RELN: variants seen among roughly 807,000 people sequenced by gnomAD.
RELN encodes reelin.
In RELN, 108 loss-of-function variants were observed where a neutral mutation model predicts 427.6. The observed-to-expected ratio is 0.25, with a 90% confidence interval of 0.22 to 0.30. The LOEUF (loss-of-function observed/expected upper bound fraction) is 0.30. Among genes scored for constraint, RELN ranks in the 10% least tolerant of loss-of-function variants. The pLI, the probability that RELN is intolerant of heterozygous loss-of-function variation, is 1.00. For synonymous variants in RELN, 1,524 were observed against 1,513.4 expected, an observed-to-expected ratio of 1.01 and a Z score of -0.16; for missense variants, 3,715 against 4,302.8, an observed-to-expected ratio of 0.86 and a Z score of 3.82.
chr7:103,878,034 T>C (rs1246433940), intron 2 of RELN, among the ~76,000 whole-genome samples: 1 of 152,180 alleles, frequency 6.6e-6, no homozygotes, highest in East Asian at 1.9e-4. Context: ...ATTTTGTATT[T>C]TTAGTAGACA....
At chr7:103,628,723 G>T (rs1457837348) in intron 20 of RELN, among the ~76,000 whole-genome samples, 1 of 152,232 alleles carries the variant, frequency 6.6e-6, no homozygotes, top group Non-Finnish European at 1.5e-5. Flanking sequence ...TCATCTGAAG[G>T]AATTAAATTG....
intron 30 of RELN, among the ~76,000 whole-genome samples, chr7:103,572,850 G>T (rs1410275700): frequency 6.6e-6 from 1 of 152,150 alleles, no homozygotes; most frequent in African/African-American, 2.4e-5. Flanking sequence ...TCAAGATGAA[G>T]ATTTTTTAAA....
chr7:103,572,751 C>T lies in RELN; in HGVS notation c.4512-491G>A, dbSNP rs566147533. Among the ~76,000 whole-genome samples the T allele has an allele frequency of 4.0e-5, 6 of 151,514 alleles. No homozygotes were observed. The East Asian group carries it at 9.8e-4, about 25-fold the overall frequency. On this transcript the variant is annotated intron_variant, in intron 30 of 64. Coordinates refer to ENST00000428762, the MANE Select transcript of RELN (RefSeq NM_005045.4). ...AGACGGGGCTAACACGGTGAAACCC[C>T]GTCTCTACTAAAAATACAGTCTGTT...
At chr7:103,975,940 A>C (rs938522633) in intron 1 of RELN, among the ~76,000 whole-genome samples, 1 of 152,090 alleles carries the variant, frequency 6.6e-6, no homozygotes, top group Non-Finnish European at 1.5e-5. Flanking sequence ...ACAGGCATAC[A>C]AGGCCATCTA....
At chr7:103,917,035 T>C in intron 2 of RELN, 40 bp downstream of exon 2, 5 of 1,435,932 alleles carry the variant, frequency 3.5e-6, no homozygotes, top group Non-Finnish European at 4.9e-6. Context: ...TATGACTGTA[T>C]AAAATACCCC....
rs1048142333 is a variant in RELN at position 103,626,398 on chromosome 7, T to C, written c.2702+3542A>G. On this transcript the variant is annotated intron_variant, in intron 20 of 64. Transcript: ENST00000428762. The surrounding 1 kb of genome is among the most constrained non-coding windows in gnomAD (Gnocchi z 4.4). ...CAGAGTCTTGCTCTGTCACCCAGGC[T>C]GGAGTGCATTGGCATGATCTCGGCT... 1.3e-5 allele frequency among the ~76,000 whole-genome samples: 2 copies of C among 152,132 alleles called. No homozygotes were observed. Among genetic ancestry groups the C allele is most frequent in the African/African-American group, 2.4e-5 (1 of 41,442 alleles).
At chr7:103,747,404 A>G (rs953170184) in intron 6 of RELN, among the ~76,000 whole-genome samples, 1 of 144,614 alleles carries the variant, frequency 6.9e-6, no homozygotes, top group African/African-American at 2.6e-5. Flanking sequence ...CCTAAAACTT[A>G]AAGTATAATA....
At chr7:103,472,947 G>A (rs370139591) in intron 64 of RELN, 39 bp from the exon 65 acceptor site, 2 of 1,479,096 alleles carry the variant, frequency 1.4e-6, no homozygotes, top group Non-Finnish European at 1.9e-6. Flanking sequence ...GGAAGGAAAG[G>A]AAAAAGAGCA....
chr7:103,511,297 A>AT (rs1374762842), intron 50 of RELN, among the ~76,000 whole-genome samples: 1 of 152,186 alleles, frequency 6.6e-6, no homozygotes, highest in African/African-American at 2.4e-5. Flanking sequence ...GAAATAACTA[A>AT]TTTTTTGACA....
At chr7:103,820,149 T>C (rs1792978856) in intron 3 of RELN, among the ~76,000 whole-genome samples, 2 of 152,102 alleles carry the variant, frequency 1.3e-5, no homozygotes, top group African/African-American at 4.8e-5. Flanking sequence ...TTTCATTTAA[T>C]GTCTTAGGGT....
chr7:103,949,540 C>T (rs976247466), intron 1 of RELN, among the ~76,000 whole-genome samples: 1 of 151,554 alleles, frequency 6.6e-6, no homozygotes, highest in East Asian at 1.9e-4. Context: ...TCTTCCCCGC[C>T]CCCCAACCCC....
intron 20 of RELN, among the ~76,000 whole-genome samples, chr7:103,622,617 G>A (rs948947962): frequency 2.0e-5 from 3 of 152,114 alleles, no homozygotes; most frequent in Non-Finnish European, 2.9e-5. Context: ...TATCTGCCTT[G>A]CTGTTCCCTC....
chr7:103,856,273 A>T (rs1160911146), intron 2 of RELN, among the ~76,000 whole-genome samples: 1 of 152,112 alleles, frequency 6.6e-6, no homozygotes. Context: ...TGGGAGGGAA[A>T]TTTACATCAC....
rs534089455 is a variant in RELN, at chr7:103,822,107, A to C, written c.473+11430T>G. On this transcript the variant is annotated intron_variant, in intron 3 of 64. Transcript: ENST00000428762. Reference sequence around the variant, plus strand: ...GCACTGATTTAATGTTAAATAGGTTATCTTATAATTCCAGAAAATATGTGG... The same window carrying C: ...GCACTGATTTAATGTTAAATAGGTTCTCTTATAATTCCAGAAAATATGTGG... 2.6e-5 allele frequency among the ~76,000 whole-genome samples: 4 copies of C among 152,222 alleles called. No homozygotes were observed. In the South Asian group the frequency reaches 8.3e-4, roughly 32 times the overall value.
intron 2 of RELN, among the ~76,000 whole-genome samples, chr7:103,882,760 A>G (rs1479183036): frequency 6.6e-6 from 1 of 152,218 alleles, no homozygotes; most frequent in South Asian, 2.1e-4. Context: ...GAATCCCTGA[A>G]CAGACCAAAA....
chr7:103,841,682 T>G (rs1302316828), intron 2 of RELN, among the ~76,000 whole-genome samples: 1 of 152,126 alleles, frequency 6.6e-6, no homozygotes, highest in Non-Finnish European at 1.5e-5. Context: ...AAACGGTAAC[T>G]AGAAGTTCTA....
Position 103,989,010 on chromosome 7 carries a change from C to T in RELN, c.226+121G>A. 1 of 871,660 alleles carries T rather than the reference C, an allele frequency of 1.1e-6. No individual in the cohort carries two copies. The highest frequency in any genetic ancestry group is 1.9e-6 in the Non-Finnish European group (1 of 531,594). 54.0% of individuals were successfully genotyped at this position (871,660 alleles called of 1,614,324 possible). Reference sequence around the variant, plus strand: ...CTCGCTCCCTGGACCAAGCGCATCGCTGGGGCCAGGGTTGTCATGGTTCTT... The same window carrying T: ...CTCGCTCCCTGGACCAAGCGCATCGTTGGGGCCAGGGTTGTCATGGTTCTT... On this transcript the variant is annotated intron_variant, in intron 1 of 64. Coordinates refer to ENST00000428762, the MANE Select transcript of RELN (RefSeq NM_005045.4). This position sits in a 1 kb window ranked among gnomAD's most constrained non-coding sequence, Gnocchi z 4.9.
At chr7:103,986,622 T>C (rs1314482898) in intron 1 of RELN, among the ~76,000 whole-genome samples, 1 of 123,908 alleles carries the variant, frequency 8.1e-6, no homozygotes, top group Admixed American at 8.7e-5. Flanking sequence ...CAATGCATTC[T>C]TTTAGGTAAA....
intron 8 of RELN, among the ~76,000 whole-genome samples, chr7:103,718,204 C>T (rs1329331289): frequency 6.6e-6 from 1 of 151,800 alleles, no homozygotes; most frequent in East Asian, 1.9e-4. Flanking sequence ...GACTCCGTAG[C>T]ATGTACAGTA....
Sources: gnomAD v4.1 joint callset for allele counts (sites outside exome capture counted in the v4.1 genomes callset) on GRCh38, gnomAD v4.1.1 for gene constraint, Gnocchi (gnomAD v3.1) non-coding constraint, MANE v1.5 for transcripts, NCBI Gene and HGNC (gene_info 2026-07-23, HGNC 2026-07-21) for gene names.